The following DLG1 variants were observed in gnomAD, a reference collection of about 807,000 sequenced individuals.
DLG1 encodes the protein discs large MAGUK scaffold protein 1, also known as disks large homolog 1.
Under a neutral mutation model 123.4 loss-of-function variants are expected in DLG1, and 42 were observed. The ratio of observed to expected loss-of-function variants is 0.34; its 90% CI spans 0.27 to 0.44. The LOEUF (loss-of-function observed/expected upper bound fraction) is 0.44. DLG1 is among the 20% of genes least tolerant of loss of function. The pLI is 1.00. For synonymous variants in DLG1, 317 were observed against 356.2 expected, an observed-to-expected ratio of 0.89 and a Z score of 1.24; for missense variants, 942 against 1,082.6, an observed-to-expected ratio of 0.87 and a Z score of 1.82.
intron 4 of DLG1, among the ~76,000 whole-genome samples, chr3:197,258,575 T>C (rs1757934818): frequency 6.6e-6 from 1 of 152,116 alleles, no homozygotes; most frequent in African/African-American, 2.4e-5. Flanking sequence ...GGGAGGCGGA[T>C]GATGAAAAAA....
intron 5 of DLG1, among the ~76,000 whole-genome samples, chr3:197,167,160 A>G (rs1801856611): frequency 6.6e-6 from 1 of 152,218 alleles, no homozygotes; most frequent in Admixed American, 6.5e-5. Flanking sequence ...CTGGGAGCCC[A>G]TACTGATATA....
intron 5 of DLG1, among the ~76,000 whole-genome samples, chr3:197,192,378 A>G (rs914649849): frequency 6.6e-6 from 1 of 152,200 alleles, no homozygotes; most frequent in African/African-American, 2.4e-5. Context: ...GAATACTACT[A>G]GAAAAGAAGG....
rs559359841 is a variant in DLG1, at chr3:197,116,302, A to G, written c.1287-219T>C. The stretch of plus-strand genomic sequence containing the variant: ...TATAAAAGCAAAAAACCTGTGTTAT[A>G]TAAAACAGAAATGAAACCAAAACAG... On this transcript the variant is annotated intron_variant, in intron 12 of 24. Transcript: ENST00000667157. Among the ~76,000 whole-genome samples, 12 of 152,132 alleles carry G rather than the reference A, an allele frequency of 7.9e-5. 1 individual carries two copies. The highest frequency in any genetic ancestry group is 5.9e-4 in the Admixed American group (9 of 15,274).
At chr3:197,095,579 T>C (rs1321336182) in intron 14 of DLG1, among the ~76,000 whole-genome samples, 2 of 152,212 alleles carry the variant, frequency 1.3e-5, no homozygotes, top group African/African-American at 4.8e-5. Context: ...CCAATACATC[T>C]GTATCAGGTG....
chr3:197,275,185 CAA>C (rs59857108), intron 4 of DLG1, among the ~76,000 whole-genome samples: 7 of 124,034 alleles, frequency 5.6e-5, no homozygotes, highest in Admixed American at 8.1e-5. Context: ...GACTCTGTCT[CAA>C]AAAAAAAAAA....
At chr3:197,273,846 T>C (rs1579146786) in intron 4 of DLG1, among the ~76,000 whole-genome samples, 1 of 3,138 alleles carries the variant, frequency 3.2e-4, no homozygotes, top group African/African-American at 1.1e-3. Flanking sequence ...TTATAATAGC[T>C]ACCAAAAAAA....
chr3:197,216,614 G>A (rs1167182662), intron 4 of DLG1, among the ~76,000 whole-genome samples: 1 of 152,152 alleles, frequency 6.6e-6, no homozygotes, highest in Non-Finnish European at 1.5e-5. Context: ...TTCACTGTGG[G>A]CTGGTCACAT....
intron 4 of DLG1, among the ~76,000 whole-genome samples, chr3:197,227,714 T>C (rs925844107): frequency 2.6e-5 from 4 of 152,178 alleles, no homozygotes; most frequent in African/African-American, 4.8e-5. Flanking sequence ...TTAATTCCAA[T>C]TTCCTACACA....
intron 13 of DLG1, among the ~76,000 whole-genome samples, chr3:197,109,291 G>A (rs774298821): frequency 2.0e-5 from 3 of 152,228 alleles, no homozygotes; most frequent in Non-Finnish European, 2.9e-5. Flanking sequence ...GATTGCCTGA[G>A]TAAGTTTGAG....
intron 5 of DLG1, among the ~76,000 whole-genome samples, chr3:197,164,287 C>T (rs566322234): frequency 2.2e-4 from 34 of 151,786 alleles, no homozygotes; most frequent in Non-Finnish European, 4.4e-4. Context: ...ATCCCAGCTA[C>T]TTGGGAGGCT....
At chr3:197,174,503 A>C (rs1354541892) in intron 5 of DLG1, among the ~76,000 whole-genome samples, 1 of 152,232 alleles carries the variant, frequency 6.6e-6, no homozygotes, top group Non-Finnish European at 1.5e-5. Flanking sequence ...AGTTTGGAAA[A>C]AAAGTGATTA....
chr3:197,085,908 G>T, intron 15 of DLG1, 152 bp from the exon 16 acceptor site: 1 of 585,958 alleles, frequency 1.7e-6, no homozygotes, highest in Non-Finnish European at 2.8e-6. Context: ...TACAAGATAA[G>T]ACAAAAAAGA....
intron 4 of DLG1, among the ~76,000 whole-genome samples, chr3:197,257,966 GA>G (rs1370923365): frequency 1.3e-5 from 2 of 152,068 alleles, no homozygotes; most frequent in Non-Finnish European, 2.9e-5. Context: ...AAGAACACAA[GA>G]ACTTACAAAC....
At chr3:197,285,080 C>G (rs751745095) in intron 3 of DLG1, among the ~76,000 whole-genome samples, 8 of 150,644 alleles carry the variant, frequency 5.3e-5, no homozygotes, top group Non-Finnish European at 8.9e-5. Flanking sequence ...ATTTCAGAAG[C>G]CTTCAAATAT....
intron 11 of DLG1, among the ~76,000 whole-genome samples, chr3:197,127,252 G>A (rs1471638158): frequency 6.7e-6 from 1 of 149,978 alleles, no homozygotes; most frequent in Non-Finnish European, 1.5e-5. Flanking sequence ...GCGAAACCCC[G>A]TCTCTACTAA....
intron 4 of DLG1, among the ~76,000 whole-genome samples, chr3:197,219,971 T>G (rs986088215): frequency 2.6e-5 from 4 of 152,208 alleles, no homozygotes; most frequent in Non-Finnish European, 1.5e-5. Flanking sequence ...CCTAGCCAAC[T>G]AATACAGAGC....
At chr3:197,045,770 A>G (rs995025953) in intron 24 of DLG1, among the ~76,000 whole-genome samples, 1 of 152,190 alleles carries the variant, frequency 6.6e-6, no homozygotes, top group Non-Finnish European at 1.5e-5. Context: ...GTTTACATAT[A>G]AATGAAATAA....
chr3:197,131,879 C>A (rs1246188638), intron 10 of DLG1, among the ~76,000 whole-genome samples: 5 of 152,072 alleles, frequency 3.3e-5, no homozygotes, highest in Non-Finnish European at 5.9e-5. Context: ...AGGCGTGAGC[C>A]ACCGCGCCCG....
chr3:197,222,284 CT>C (rs989190642), intron 4 of DLG1, among the ~76,000 whole-genome samples: 2 of 152,142 alleles, frequency 1.3e-5, no homozygotes, highest in African/African-American at 4.8e-5. Flanking sequence ...CCTTTCCACC[CT>C]TTCCCCGTCT....
Sources: gnomAD v4.1 joint callset for allele counts (sites outside exome capture counted in the v4.1 genomes callset) on GRCh38, gnomAD v4.1.1 for gene constraint, MANE v1.5 for transcripts, NCBI Gene and HGNC (gene_info 2026-07-23, HGNC 2026-07-21) for gene names.